PTPRD: variants seen among roughly 807,000 people sequenced by gnomAD.
PTPRD encodes the protein receptor-type tyrosine-protein phosphatase delta.
PTPRD carries 34 observed loss-of-function variants against 214.5 expected under a neutral mutation model. The observed-to-expected ratio is 0.16, with a 90% confidence interval of 0.12 to 0.21. PTPRD has a LOEUF of 0.21. PTPRD is among the 10% of genes least tolerant of loss of function. PTPRD has a pLI of 1.00. For synonymous variants in PTPRD, 1,128 were observed against 845.7 expected (o/e 1.33, Z -5.79); for missense variants, 2,545 against 2,398.7 (o/e 1.06, Z -1.27).
At chr9:8,551,458 TCTTTCTCTTTTC>T (rs1324760472) in intron 14 of PTPRD, among the ~76,000 whole-genome samples, 7 of 152,318 alleles carry the variant, frequency 4.6e-5, no homozygotes, top group East Asian at 3.9e-4. Flanking sequence ...AGATCTTTTT[TCTTTCTCTTTTC>T]CTTTCTCTTT....
intron 11 of PTPRD, among the ~76,000 whole-genome samples, chr9:8,909,866 CAA>C (rs35074557): frequency 0.041 from 5,038 of 121,816 alleles, 281 homozygotes; most frequent in African/African-American, 0.15. Context: ...ATATTAAAGG[CAA>C]AAAAAAAAAA....
intron 3 of PTPRD, among the ~76,000 whole-genome samples, chr9:10,128,859 TATTA>T (rs2098838607): frequency 1.3e-5 from 2 of 152,126 alleles, no homozygotes; most frequent in Non-Finnish European, 2.9e-5. Context: ...CATGTGACTT[TATTA>T]ATTAATTAAA....
chr9:9,210,226 A>G (rs1373624550), intron 9 of PTPRD, among the ~76,000 whole-genome samples: 1 of 152,188 alleles, frequency 6.6e-6, no homozygotes, highest in Non-Finnish European at 1.5e-5. Flanking sequence ...CAAAAGATCC[A>G]TAGAGAATTA....
chr9:9,641,246 G>A (rs1421668006), intron 7 of PTPRD, among the ~76,000 whole-genome samples: 1 of 152,140 alleles, frequency 6.6e-6, no homozygotes, highest in Non-Finnish European at 1.5e-5. Context: ...GAAATATCAG[G>A]TAATGATAAA....
intron 11 of PTPRD, chr9:8,858,440 C>G (rs1193654700): frequency 3.3e-5 from 5 of 152,282 alleles, no homozygotes; most frequent in Admixed American, 3.3e-4. Context: ...GTCTTTGGAC[C>G]TGGCTTGAAC....
At chr9:10,442,775 A>G (rs2098769049) in intron 2 of PTPRD, among the ~76,000 whole-genome samples, 1 of 151,566 alleles carries the variant, frequency 6.6e-6, no homozygotes, top group African/African-American at 2.4e-5. Flanking sequence ...TATAATGATA[A>G]GAAGTTAAAA....
intron 10 of PTPRD, among the ~76,000 whole-genome samples, chr9:9,144,463 C>T (rs2099865223): frequency 6.6e-6 from 1 of 152,066 alleles, no homozygotes; most frequent in Non-Finnish European, 1.5e-5. Flanking sequence ...TGATTGAAAA[C>T]ATTCTTTAGG....
At chr9:8,332,432 T>C (rs1043785945) in intron 43 of PTPRD, among the ~76,000 whole-genome samples, 6 of 152,126 alleles carry the variant, frequency 3.9e-5, no homozygotes, top group Admixed American at 1.3e-4. Flanking sequence ...CCCTCAAGGA[T>C]ACCAACGACT....
At position 10,217,695 on chromosome 9, in the gene PTPRD, C is replaced by G. The variant is rs78210011; in HGVS notation, c.-545+123268G>C. On this transcript the variant is annotated intron_variant, in intron 3 of 45. Transcript: ENST00000381196. Reference sequence around the variant, plus strand: ...CCTTGTCAGAGTAAGGTCACATCATCATAGTAGTCATGATGTAAGAAATTC... The same window carrying G: ...CCTTGTCAGAGTAAGGTCACATCATGATAGTAGTCATGATGTAAGAAATTC... 6.8e-4 allele frequency among the ~76,000 whole-genome samples: 104 copies of G among 152,074 alleles called. 1 individual carries two copies. The highest frequency in any genetic ancestry group is 2.2e-3 in the African/African-American group (93 of 41,508).
At chr9:8,351,649 G>C (rs1272942410) in intron 39 of PTPRD, among the ~76,000 whole-genome samples, 1 of 144,722 alleles carries the variant, frequency 6.9e-6, no homozygotes, top group African/African-American at 2.6e-5. Context: ...CCCAGACTTA[G>C]TCCTGCCATC....
chr9:9,987,208 G>A (rs544513571), intron 4 of PTPRD, among the ~76,000 whole-genome samples: 49 of 152,242 alleles, frequency 3.2e-4, no homozygotes, highest in Non-Finnish European at 4.9e-4. Context: ...AACATGGGTA[G>A]TGAATCTCCA....
intron 11 of PTPRD, among the ~76,000 whole-genome samples, chr9:8,742,332 T>G (rs1053043974): frequency 6.6e-6 from 1 of 152,140 alleles, no homozygotes; most frequent in Non-Finnish European, 1.5e-5. Flanking sequence ...AATTGACATA[T>G]GCATTACCTC....
intron 12 of PTPRD, among the ~76,000 whole-genome samples, chr9:8,718,897 T>G (rs190136768): frequency 1.4e-3 from 213 of 152,294 alleles, no homozygotes; most frequent in African/African-American, 4.8e-3. Context: ...GGATCAATGG[T>G]GTTTTCTCAT....
intron 10 of PTPRD, among the ~76,000 whole-genome samples, chr9:9,073,974 T>A (rs942950189): frequency 1.3e-5 from 2 of 152,204 alleles, no homozygotes; most frequent in African/African-American, 4.8e-5. Context: ...AATTATAGTA[T>A]AACCTTCCAG....
chr9:10,278,345 C>T (rs2094852447), intron 3 of PTPRD, among the ~76,000 whole-genome samples: 1 of 152,150 alleles, frequency 6.6e-6, no homozygotes, highest in South Asian at 2.1e-4. Flanking sequence ...AAAATACAGG[C>T]TTCCACAGCT....
chr9:8,937,822 A>C (rs935991067), intron 11 of PTPRD, among the ~76,000 whole-genome samples: 1 of 152,330 alleles, frequency 6.6e-6, no homozygotes. Context: ...TTAAAGGGTC[A>C]AGAATCTTGT....
At chr9:8,456,687 G>C (rs530787248) in intron 33 of PTPRD, among the ~76,000 whole-genome samples, 1 of 152,158 alleles carries the variant, frequency 6.6e-6, no homozygotes, top group Non-Finnish European at 1.5e-5. Context: ...AGCAGGAAAA[G>C]GCTGGAAAAA....
chr9:10,200,215 T>A (rs148347784), intron 3 of PTPRD, among the ~76,000 whole-genome samples: 1 of 152,024 alleles, frequency 6.6e-6, no homozygotes, highest in Non-Finnish European at 1.5e-5. Flanking sequence ...CCAAGAAAAA[T>A]TGTCTTTCTA....
intron 11 of PTPRD, among the ~76,000 whole-genome samples, chr9:8,788,318 C>G (rs2096078460): frequency 7.0e-6 from 1 of 142,942 alleles, no homozygotes; most frequent in Non-Finnish European, 1.5e-5. Flanking sequence ...TTTTGTCGCC[C>G]AGGCAGGAGT....
Sources: gnomAD v4.1 joint callset for allele counts (sites outside exome capture counted in the v4.1 genomes callset) on GRCh38, gnomAD v4.1.1 for gene constraint, MANE v1.5 for transcripts, NCBI Gene and HGNC (gene_info 2026-07-23, HGNC 2026-07-21) for gene names.